GRIK4: variants seen among roughly 807,000 people sequenced by gnomAD.
GRIK4 encodes the protein glutamate ionotropic receptor kainate type subunit 4.
In GRIK4, 40 loss-of-function variants were observed where a neutral mutation model predicts 104.9. The ratio of observed to expected loss-of-function variants is 0.38; its 90% CI spans 0.30 to 0.50. The LOEUF (loss-of-function observed/expected upper bound fraction) is 0.50. Among genes scored for constraint, GRIK4 ranks in the 20% least tolerant of loss-of-function variants. The pLI is 0.93. For missense variants in GRIK4, 1,047 were observed against 1,308.1 expected (o/e 0.80, Z 3.08); for synonymous variants, 485 against 524.9 (o/e 0.92, Z 1.04).
intron 6 of GRIK4, among the ~76,000 whole-genome samples, chr11:120,831,317 T>C (rs4936556): frequency 0.67 from 102,628 of 152,190 alleles, 35,283 homozygotes; most frequent in African/African-American, 0.81. Flanking sequence ...GAGGGTTTAA[T>C]GTGTCCGAGG....
intron 1 of GRIK4, among the ~76,000 whole-genome samples, chr11:120,634,602 C>T (rs1327214478): frequency 6.6e-6 from 1 of 151,808 alleles, no homozygotes; most frequent in Non-Finnish European, 1.5e-5. Context: ...GACTCTGTTC[C>T]TCTAGGGACC....
At chr11:120,835,302 C>G (rs1246001454) in intron 7 of GRIK4, among the ~76,000 whole-genome samples, 1 of 152,162 alleles carries the variant, frequency 6.6e-6, no homozygotes, top group Non-Finnish European at 1.5e-5. Flanking sequence ...CCAAGGCAGG[C>G]AGATCACTTG....
chr11:120,889,987 G>A (rs781738808), intron 11 of GRIK4, among the ~76,000 whole-genome samples: 1 of 152,084 alleles, frequency 6.6e-6, no homozygotes, highest in African/African-American at 2.4e-5. Context: ...GAAGGGAAGG[G>A]GAGCTATTTT....
intron 6 of GRIK4, among the ~76,000 whole-genome samples, chr11:120,828,087 C>T (rs1953314931): frequency 6.6e-6 from 1 of 152,114 alleles, no homozygotes; most frequent in African/African-American, 2.4e-5. Context: ...CTGCCTGGCA[C>T]TGCTGCTCCC....
Position 120,799,467 on chromosome 11 carries a change from ACC to A in GRIK4, c.83-3222_83-3221del, listed in dbSNP as rs573384569. On this transcript the variant is annotated intron_variant, in intron 3 of 20. Coordinates refer to ENST00000527524, the MANE Select transcript of GRIK4 (RefSeq NM_014619.5). ...AAGCCTCATGCACGCTCCCTAGCGC[ACC>A]CCCTGCTTCGCAGCAAATCCTTGAG... Among the ~76,000 whole-genome samples the A allele has an allele frequency of 2.7e-3, 410 of 152,242 alleles. 1 individual carries two copies. The highest frequency in any genetic ancestry group is 8.7e-3 in the African/African-American group (362 of 41,546).
intron 3 of GRIK4, among the ~76,000 whole-genome samples, chr11:120,733,872 G>A (rs984281681): frequency 6.6e-6 from 1 of 151,652 alleles, no homozygotes; most frequent in Non-Finnish European, 1.5e-5. Context: ...TGAGTAGCTG[G>A]GATTACAGGC....
chr11:120,853,848 G>A (rs865859795), intron 8 of GRIK4, among the ~76,000 whole-genome samples: 1 of 152,238 alleles, frequency 6.6e-6, no homozygotes, highest in Non-Finnish European at 1.5e-5. Context: ...CACAGTGATG[G>A]AGTATGCTTT....
At chr11:120,578,650 A>G (rs1474633537) in intron 1 of GRIK4, among the ~76,000 whole-genome samples, 1 of 152,186 alleles carries the variant, frequency 6.6e-6, no homozygotes, top group Non-Finnish European at 1.5e-5. Context: ...ACTTGGTGGA[A>G]TTGGATTCCG....
intron 3 of GRIK4, among the ~76,000 whole-genome samples, chr11:120,697,052 C>T (rs1277527911): frequency 2.0e-5 from 3 of 152,244 alleles, no homozygotes; most frequent in African/African-American, 7.2e-5. Context: ...TCTGCCTCCT[C>T]AGCTCATCCT....
At chr11:120,910,871 G>C (rs1489926545) in intron 13 of GRIK4, among the ~76,000 whole-genome samples, 1 of 152,206 alleles carries the variant, frequency 6.6e-6, no homozygotes, top group East Asian at 1.9e-4. Context: ...GGGAGGTGAT[G>C]CTAGGCCTGA....
intron 3 of GRIK4, among the ~76,000 whole-genome samples, chr11:120,762,907 G>T (rs748095725): frequency 2.6e-5 from 4 of 151,834 alleles, no homozygotes; most frequent in Admixed American, 1.3e-4. Context: ...TTCTTTTTTT[G>T]TTGTTGTTGT....
chr11:120,548,282 T>A (rs1202635747), intron 1 of GRIK4, among the ~76,000 whole-genome samples: 1 of 151,666 alleles, frequency 6.6e-6, no homozygotes, highest in Non-Finnish European at 1.5e-5. Flanking sequence ...TAGTGAGGGG[T>A]CCTGAATTCT....
At position 120,961,085 on chromosome 11, in the gene GRIK4, T is replaced by C. The variant is rs762237529; in HGVS notation, c.2040+11T>C. On this transcript the variant is annotated intron_variant, in intron 17 of 20. Coordinates refer to ENST00000527524, the MANE Select transcript of GRIK4 (RefSeq NM_014619.5). Reference sequence around the variant, plus strand: ...ATGACCTTCTTCCAAGTAAACCCCATTTGGTTGCTCACCAGCATCGGGAAT... The same window carrying C: ...ATGACCTTCTTCCAAGTAAACCCCACTTGGTTGCTCACCAGCATCGGGAAT... 13 of 1,612,296 alleles carry C rather than the reference T, an allele frequency of 8.1e-6. No homozygotes were observed. The highest frequency in any genetic ancestry group is 1.1e-5 in the Non-Finnish European group (13 of 1,178,824).
intron 4 of GRIK4, among the ~76,000 whole-genome samples, chr11:120,805,993 G>A (rs1171576898): frequency 2.0e-5 from 3 of 152,210 alleles, no homozygotes; most frequent in East Asian, 1.9e-4. Flanking sequence ...GCTGTGTGAC[G>A]TAGACAGGCT....
intron 4 of GRIK4, among the ~76,000 whole-genome samples, chr11:120,805,603 A>G (rs1952695703): frequency 6.6e-6 from 1 of 152,130 alleles, no homozygotes; most frequent in South Asian, 2.1e-4. Flanking sequence ...TTGAGGTACG[A>G]TTAGCATTTG....
chr11:120,745,388 C>T (rs1337980023), intron 3 of GRIK4, among the ~76,000 whole-genome samples: 1 of 152,182 alleles, frequency 6.6e-6, no homozygotes, highest in Non-Finnish European at 1.5e-5. Context: ...ACAATGAGCC[C>T]ATTACACTGT....
At chr11:120,515,344 C>T (rs545730375) in intron 1 of GRIK4, among the ~76,000 whole-genome samples, 45 of 152,298 alleles carry the variant, frequency 3.0e-4, no homozygotes, top group African/African-American at 1.1e-3. Context: ...GCCTCACTGC[C>T]CTCACCTGTA....
chr11:120,937,946 C>T (rs1213473276), intron 13 of GRIK4, among the ~76,000 whole-genome samples: 1 of 152,106 alleles, frequency 6.6e-6, no homozygotes, highest in Non-Finnish European at 1.5e-5. Context: ...GAGTTGTTGA[C>T]TTTGGTTAAT....
intron 3 of GRIK4, among the ~76,000 whole-genome samples, chr11:120,770,270 G>A (rs763746189): frequency 6.6e-6 from 1 of 152,212 alleles, no homozygotes; most frequent in Non-Finnish European, 1.5e-5. Context: ...GGTGATGGTG[G>A]CATGATAAAA....
Sources: allele counts gnomAD v4.1 joint callset (sites outside exome capture counted in the v4.1 genomes callset), GRCh38; gene constraint gnomAD v4.1.1; transcripts MANE v1.5; gene names NCBI Gene and HGNC (gene_info 2026-07-23, HGNC 2026-07-21).